Variants in MYT1L observed in about 807,000 individuals in gnomAD.
MYT1L encodes the protein myelin transcription factor 1-like protein.
MYT1L carries 12 observed loss-of-function variants against 126.7 expected under a neutral mutation model. The observed-to-expected ratio is 0.09, with a 90% CI of 0.06 to 0.15. The LOEUF (loss-of-function observed/expected upper bound fraction) is 0.15, where lower values mean the gene tolerates loss of function less well. MYT1L is among the 10% of genes least tolerant of loss of function. MYT1L has a pLI of 1.00. For synonymous variants in MYT1L, 541 were observed against 604.2 expected (o/e 0.90, Z 1.53); for missense variants, 979 against 1,585.2 (o/e 0.62, Z 6.49).
intron 3 of MYT1L, among the ~76,000 whole-genome samples, chr2:2,067,702 GAA>G (rs1175758863): frequency 6.6e-6 from 1 of 152,032 alleles, no homozygotes. Flanking sequence ...GAATTAATTT[GAA>G]AATATTAATA....
chr2:1,818,489 G>T (rs1025241002), intron 21 of MYT1L, among the ~76,000 whole-genome samples: 1 of 152,138 alleles, frequency 6.6e-6, no homozygotes, highest in African/African-American at 2.4e-5. Flanking sequence ...ATTTATATGA[G>T]ACACAATACA....
chr2:1,834,445 A>T (rs2040562221), intron 21 of MYT1L, among the ~76,000 whole-genome samples: 1 of 152,242 alleles, frequency 6.6e-6, no homozygotes, highest in Non-Finnish European at 1.5e-5. Context: ...ATTAAAATTG[A>T]TGAAGGCTTG....
chr2:1,933,197 C>T (rs902348786), intron 9 of MYT1L, among the ~76,000 whole-genome samples: 3 of 152,032 alleles, frequency 2.0e-5, no homozygotes, highest in Non-Finnish European at 1.5e-5. Context: ...CAGCCCCCAC[C>T]GAGATGACAG....
At chr2:1,903,396 T>A in intron 13 of MYT1L, 102 bp from the exon 14 acceptor site, 1 of 935,656 alleles carries the variant, frequency 1.1e-6, no homozygotes, top group Non-Finnish European at 1.6e-6. Flanking sequence ...TTAAATGTGT[T>A]AAACAATCAG....
intron 2 of MYT1L, among the ~76,000 whole-genome samples, chr2:2,253,834 C>T (rs2149238116): frequency 6.6e-6 from 1 of 150,558 alleles, no homozygotes; most frequent in Non-Finnish European, 1.5e-5. Flanking sequence ...TCGGAATTTC[C>T]CGGAAACAAT....
intron 8 of MYT1L, among the ~76,000 whole-genome samples, chr2:1,944,105 T>A (rs2056963390): frequency 1.3e-5 from 2 of 152,186 alleles, no homozygotes; most frequent in Non-Finnish European, 2.9e-5. Context: ...GATTTTCTTT[T>A]TTTTATTATT....
In MYT1L at chr2:1,979,505, C is replaced by T. The variant is rs1444278061; in HGVS notation, c.89+16G>A. 3.1e-6 allele frequency: 5 copies of T among 1,611,804 alleles called. No homozygotes were observed. In the African/African-American group the frequency reaches 6.7e-5, roughly 22 times the overall value. ...AAACTGTTAATGGGGATGCATTTTA[C>T]CCACATGGCACTAACCTGAACAGCT... On this transcript the variant is annotated intron_variant, in intron 7 of 24. Coordinates refer to ENST00000647738, the MANE Select transcript of MYT1L (RefSeq NM_001303052.2). The surrounding 1 kb of genome is among the most constrained non-coding windows in gnomAD (Gnocchi z 4.0).
chr2:2,015,085 A>T (rs992897762), intron 4 of MYT1L, among the ~76,000 whole-genome samples: 4 of 152,334 alleles, frequency 2.6e-5, no homozygotes, highest in African/African-American at 9.6e-5. Context: ...TGGCACTTGT[A>T]TCCATAGATA....
chr2:1,836,481 C>A (rs66868130), intron 21 of MYT1L, among the ~76,000 whole-genome samples: 36,706 of 150,442 alleles, frequency 0.24, 4,521 homozygotes, highest in East Asian at 0.56. Flanking sequence ...ATTCGACCAG[C>A]CTGCACCCCA....
chr2:2,089,955 C>A (rs531349954), intron 3 of MYT1L, among the ~76,000 whole-genome samples: 8 of 152,288 alleles, frequency 5.3e-5, no homozygotes, highest in African/African-American at 1.7e-4. Context: ...CCAGACACAG[C>A]AGTTCCTGTC....
chr2:1,985,961 C>G (rs963883735), intron 5 of MYT1L, among the ~76,000 whole-genome samples: 1 of 152,204 alleles, frequency 6.6e-6, no homozygotes, highest in Non-Finnish European at 1.5e-5. Context: ...GAGCTGGACC[C>G]AACAGAGGTG....
intron 4 of MYT1L, among the ~76,000 whole-genome samples, chr2:2,033,036 T>C (rs1264322039): frequency 3.5e-4 from 41 of 117,850 alleles, no homozygotes; most frequent in Middle Eastern, 8.5e-3. Context: ...GAGCAGATTC[T>C]AGAAGGAGGG....
chr2:2,243,809 T>A (rs1443725532), intron 2 of MYT1L, among the ~76,000 whole-genome samples: 1 of 152,214 alleles, frequency 6.6e-6, no homozygotes, highest in African/African-American at 2.4e-5. Flanking sequence ...ATCTGATTGT[T>A]AGATGACACA....
At chr2:1,857,879 T>G (rs1050506459) in intron 18 of MYT1L, among the ~76,000 whole-genome samples, 1 of 152,106 alleles carries the variant, frequency 6.6e-6, no homozygotes, top group Non-Finnish European at 1.5e-5. Flanking sequence ...TTTTTTTAAT[T>G]TGAGACAGAG....
chr2:2,096,258 C>T (rs905005072), intron 3 of MYT1L, among the ~76,000 whole-genome samples: 1 of 152,340 alleles, frequency 6.6e-6, no homozygotes, highest in East Asian at 1.9e-4. Context: ...CTCTCACTTG[C>T]TGCTCACAAT....
chr2:2,217,769 ACT>A (rs1210776075), intron 2 of MYT1L, among the ~76,000 whole-genome samples: 1 of 147,304 alleles, frequency 6.8e-6, no homozygotes, highest in African/African-American at 2.6e-5. Context: ...ACATTAATAG[ACT>A]CTGAAAAATC....
chr2:2,114,248 T>C (rs1034343388), intron 3 of MYT1L, among the ~76,000 whole-genome samples: 3 of 152,206 alleles, frequency 2.0e-5, no homozygotes, highest in African/African-American at 7.2e-5. Context: ...AAAACCAGCA[T>C]TTTGATTTTC....
chr2:1,822,565 T>TG (rs2038700373), intron 21 of MYT1L, among the ~76,000 whole-genome samples: 6 of 152,162 alleles, frequency 3.9e-5, no homozygotes, highest in Admixed American at 2.6e-4. Context: ...CACATGGATC[T>TG]GAGGGTGGAG....
intron 2 of MYT1L, among the ~76,000 whole-genome samples, chr2:2,245,670 G>C (rs57243154): frequency 0.02 from 2,984 of 151,752 alleles, 108 homozygotes; most frequent in African/African-American, 0.068. Flanking sequence ...AGCTGAGGAC[G>C]GTCTACCTCC....
Sources: allele counts gnomAD v4.1 joint callset (sites outside exome capture counted in the v4.1 genomes callset), GRCh38; gene constraint gnomAD v4.1.1; non-coding constraint Gnocchi (gnomAD v3.1); transcripts MANE v1.5; gene names NCBI Gene and HGNC (gene_info 2026-07-23, HGNC 2026-07-21).